APBB2: variants seen among roughly 807,000 people sequenced by gnomAD.
APBB2 encodes Fe65-like 1.
Under a neutral mutation model 82.5 loss-of-function variants are expected in APBB2, and 38 were observed. The observed-to-expected ratio is 0.46, with a 90% CI of 0.36 to 0.60. APBB2 has a LOEUF of 0.60. APBB2 is among the 20% of genes least tolerant of loss of function. The probability of loss-of-function intolerance (pLI) is 0.00; values close to 1 mark genes in which losing one functional copy is unlikely to be tolerated. For synonymous variants in APBB2, 341 were observed against 368.2 expected, an observed-to-expected ratio of 0.93 and a Z score of 0.85; for missense variants, 772 against 972.3, an observed-to-expected ratio of 0.79 and a Z score of 2.74.
chr4:40,881,184 AG>A, intron 12 of APBB2: 1 of 985,462 alleles, frequency 1.0e-6, no homozygotes, highest in Non-Finnish European at 1.2e-6. Context: ...GCTGCATTAA[AG>A]AGAAATTAAC....
intron 4 of APBB2, among the ~76,000 whole-genome samples, chr4:41,038,790 T>C (rs1014803640): frequency 1.3e-5 from 2 of 152,078 alleles, no homozygotes; most frequent in Non-Finnish European, 2.9e-5. Context: ...TCTGAACACA[T>C]AAATTCCAGA....
chr4:41,200,314 G>C (rs893177233), intron 1 of APBB2, among the ~76,000 whole-genome samples: 2 of 151,988 alleles, frequency 1.3e-5, no homozygotes, highest in African/African-American at 4.8e-5. Flanking sequence ...AAATAGAAGA[G>C]GAAGTACTAA....
chr4:41,163,750 C>T (rs1024907075), intron 1 of APBB2, among the ~76,000 whole-genome samples: 1 of 152,180 alleles, frequency 6.6e-6, no homozygotes, highest in Admixed American at 6.5e-5. Flanking sequence ...TGAGGCCTTC[C>T]ATACTCTGGG....
intron 6 of APBB2, among the ~76,000 whole-genome samples, chr4:41,007,281 C>T (rs1262524225): frequency 1.3e-5 from 2 of 151,680 alleles, no homozygotes; most frequent in South Asian, 2.1e-4. Flanking sequence ...ATGTGATATC[C>T]TCGCCATGTT....
intron 7 of APBB2, among the ~76,000 whole-genome samples, chr4:40,940,898 A>C (rs1786713228): frequency 6.6e-6 from 1 of 152,238 alleles, no homozygotes; most frequent in African/African-American, 2.4e-5. Context: ...ATTTGGAACA[A>C]ATAAATGGTT....
At chr4:41,131,778 G>A (rs943772620) in intron 2 of APBB2, among the ~76,000 whole-genome samples, 5 of 152,094 alleles carry the variant, frequency 3.3e-5, no homozygotes, top group East Asian at 3.9e-4. Context: ...AGTGGATCAC[G>A]TCTGTAATCC....
intron 5 of APBB2, 75 bp from the exon 6 acceptor site, chr4:41,014,473 T>C: frequency 7.5e-7 from 1 of 1,337,298 alleles, no homozygotes; most frequent in Non-Finnish European, 1.0e-6. Context: ...AATATTTTTA[T>C]ATAGAAAACT....
intron 1 of APBB2, among the ~76,000 whole-genome samples, chr4:41,185,160 G>C (rs898544987): frequency 1.3e-5 from 2 of 152,158 alleles, no homozygotes; most frequent in African/African-American, 4.8e-5. Context: ...AAAGAAGAAA[G>C]GGCAATAAGT....
rs992004241 is a variant in APBB2, at chr4:40,857,245, C to T, written c.1530-26668G>A. 7.6e-6 allele frequency: 7 copies of T among 915,192 alleles called. No individual in the cohort carries two copies. In the South Asian group the frequency reaches 1.5e-4, roughly 20 times the overall value. 56.7% of individuals were successfully genotyped at this position (915,192 alleles called of 1,614,324 possible). A position where few individuals can be genotyped will look rare whatever the true frequency, so the allele number is the denominator to read the frequency against. On this transcript the variant is annotated intron_variant, in intron 12 of 17. Transcript: ENST00000508593. ...CTGCTGGGGAGGCGCGTGGCCCCGC[C>T]CCACCCGGCCGCACTCCCGTGAAGT...
At chr4:41,128,414 T>C (rs1385677713) in intron 2 of APBB2, among the ~76,000 whole-genome samples, 1 of 152,238 alleles carries the variant, frequency 6.6e-6, no homozygotes, top group Non-Finnish European at 1.5e-5. Flanking sequence ...TTGTTGGGTA[T>C]ATATCCAAAG....
intron 1 of APBB2, chr4:41,177,479 T>G (rs1770145774): frequency 6.6e-6 from 1 of 152,222 alleles, no homozygotes; most frequent in South Asian, 2.1e-4. Context: ...ATTTTGTAAT[T>G]AACAAATATT....
intron 3 of APBB2, among the ~76,000 whole-genome samples, chr4:41,087,816 CTTG>C (rs1451577626): frequency 1.3e-5 from 2 of 152,134 alleles, no homozygotes; most frequent in East Asian, 3.8e-4. Context: ...ACAGGGGAGA[CTTG>C]TTGAGCTTAT....
chr4:41,187,054 A>G (rs545726734), intron 1 of APBB2, among the ~76,000 whole-genome samples: 31 of 152,296 alleles, frequency 2.0e-4, no homozygotes, highest in African/African-American at 7.0e-4. Flanking sequence ...TTGTGTTTTC[A>G]TTTAAGATTA....
intron 4 of APBB2, among the ~76,000 whole-genome samples, chr4:41,049,489 G>T (rs532014277): frequency 8.4e-6 from 1 of 118,776 alleles, no homozygotes; most frequent in Non-Finnish European, 1.7e-5. Flanking sequence ...CCGGCCAGCC[G>T]CCCCGTCCGG....
intron 6 of APBB2, among the ~76,000 whole-genome samples, chr4:40,963,154 AT>A (rs1322399837): frequency 6.6e-6 from 1 of 152,078 alleles, no homozygotes; most frequent in African/African-American, 2.4e-5. Flanking sequence ...GTTAGCGTCC[AT>A]TTGTTAATGA....
intron 1 of APBB2, among the ~76,000 whole-genome samples, chr4:41,170,639 G>A (rs57352129): frequency 0.051 from 7,698 of 152,190 alleles, 433 homozygotes; most frequent in African/African-American, 0.14. Flanking sequence ...ACAACCAAAT[G>A]CAACATCTAA....
In APBB2 at chr4:40,922,468, C is replaced by T. The variant is rs141439408; in HGVS notation, c.1254+11988G>A. On this transcript the variant is annotated intron_variant, in intron 10 of 17. Transcript: ENST00000508593. ...TACTGAAATGATTTTCTTATAAGCA[C>T]GAGTCAGAAGCAGAGGGAGAACTCA... Among the ~76,000 whole-genome samples, 502 of 152,190 alleles carry T rather than the reference C, an allele frequency of 3.3e-3. 1 individual carries two copies. The highest frequency in any genetic ancestry group is 0.011 in the African/African-American group (467 of 41,500).
intron 1 of APBB2, among the ~76,000 whole-genome samples, chr4:41,210,158 C>T (rs893288386): frequency 1.5e-4 from 23 of 152,258 alleles, no homozygotes; most frequent in East Asian, 7.7e-4. Context: ...CTCTATGGCC[C>T]GGTTCCTAAT....
intron 10 of APBB2, among the ~76,000 whole-genome samples, chr4:40,906,484 A>AAAAAAAAAAAAAAAG: frequency 7.1e-6 from 1 of 141,554 alleles, no homozygotes; most frequent in Non-Finnish European, 1.5e-5. Flanking sequence ...AAAAAAAAAA[A>AAAAAAAAAAAAAAAG]AAAAGAAAAG....
Sources: allele counts gnomAD v4.1 joint callset (sites outside exome capture counted in the v4.1 genomes callset), GRCh38; gene constraint gnomAD v4.1.1; transcripts MANE v1.5; gene names NCBI Gene and HGNC (gene_info 2026-07-23, HGNC 2026-07-21).